Variants in LMOD3 observed in about 807,000 individuals in gnomAD.
The protein encoded by LMOD3 is leiomodin-3.
LMOD3 carries 31 observed loss-of-function variants against 41.8 expected under a neutral mutation model. The ratio of observed to expected loss-of-function variants is 0.74; its 90% confidence interval spans 0.56 to 1.00. The LOEUF (loss-of-function observed/expected upper bound fraction) is 1.00, where lower values mean the gene tolerates loss of function less well. Among genes scored for constraint, LMOD3 ranks in the 50% least tolerant of loss-of-function variants. LMOD3 has a pLI of 0.00. For missense variants in LMOD3, 755 were observed against 679.5 expected (o/e 1.11, Z -1.23); for synonymous variants, 292 against 241.9 (o/e 1.21, Z -1.92).
rs1422839571 is a variant in LMOD3 at position 69,106,494 on chromosome 3, G to C, written c.*2601C>G. Among the ~76,000 whole-genome samples the C allele has an allele frequency of 6.6e-6, 1 of 152,010 alleles. No individual in the cohort carries two copies. The highest frequency in any genetic ancestry group is 1.5e-5 in the Non-Finnish European group (1 of 68,010). ...TAAAATCTGCAACTAAGATCTTTAG[G>C]GTTGGGTGGTAGAAAAAGCATAATG... On this transcript the variant is annotated 3_prime_UTR_variant, in exon 3 of 3. Transcript: ENST00000420581.
rs143378782 is a variant in LMOD3, at chr3:69,115,386, G to T, written c.1656+3313C>A. On this transcript the variant is annotated intron_variant, in intron 2 of 2. Coordinates refer to ENST00000420581, the MANE Select transcript of LMOD3 (RefSeq NM_198271.5). ...GGTCCCAGCTACTCAGGAGTCTGAGGTGGGAGGATCACTTGAGCCCTGGAG... is the reference window on the plus strand; with the variant it reads ...GGTCCCAGCTACTCAGGAGTCTGAGTTGGGAGGATCACTTGAGCCCTGGAG... 2.6e-5 allele frequency among the ~76,000 whole-genome samples: 4 copies of T among 151,896 alleles called. No homozygotes were observed. The South Asian group carries it at 6.2e-4, about 24-fold the overall frequency.
In LMOD3 at chr3:69,116,672, G is replaced by A. The variant is rs561920646; in HGVS notation, c.1656+2027C>T. Among the ~76,000 whole-genome samples, 11 of 152,320 alleles carry A rather than the reference G, an allele frequency of 7.2e-5. 1 individual carries two copies. In the South Asian group the frequency reaches 2.1e-3, roughly 29 times the overall value. On this transcript the variant is annotated intron_variant, in intron 2 of 2. Coordinates refer to ENST00000420581, the MANE Select transcript of LMOD3 (RefSeq NM_198271.5). ...TCAGTTGAGTAAAAGGCAGAGGGGT[G>A]AAAAATTAAACCTACACTGTAAGCT...
intron 1 of LMOD3, among the ~76,000 whole-genome samples, chr3:69,120,653 A>T (rs1575882197): frequency 6.6e-6 from 1 of 151,168 alleles, no homozygotes; most frequent in African/African-American, 2.4e-5. Context: ...ATATATACAT[A>T]TATATATTTA....
In LMOD3 at chr3:69,119,583, G is replaced by A; in HGVS notation, c.772C>T (p.Leu258Phe). The change falls in exon 2 of 3, where the codon CTC (leucine) becomes TTC (phenylalanine). Residue 258 changes from leucine to phenylalanine, a missense_variant. Physicochemically the swap from Leu to Phe is conservative, Grantham distance 22 (BLOSUM62 0). Transcript: ENST00000420581. The part of the protein sequence containing the change: ...VRKNDPDMKE[L>F]NLNNIENIPK... ...ATGTTTTCAATGTTGTTCAGGTTGA[G>A]TTCCTTCATGTCAGGATCATTTTTC... 6.2e-7 allele frequency: 1 copy of A among 1,613,740 alleles called. No individual in the cohort carries two copies. Among genetic ancestry groups the A allele is most frequent in the Non-Finnish European group, 8.5e-7 (1 of 1,179,882 alleles).
chr3:69,121,979 C>T (rs1333926792), intron 1 of LMOD3, 114 bp downstream of exon 1: 6 of 825,200 alleles, frequency 7.3e-6, no homozygotes, highest in Non-Finnish European at 1.1e-5. Context: ...CTAGATATGG[C>T]AAAAACAAAG....
chr3:69,121,710 C>G (rs1048901023), intron 1 of LMOD3, among the ~76,000 whole-genome samples: 2 of 152,104 alleles, frequency 1.3e-5, no homozygotes, highest in Non-Finnish European at 2.9e-5. Flanking sequence ...GCCAGAGAGA[C>G]AGAGGCTACA....
At chr3:69,121,669 T>C (rs2092408281) in intron 1 of LMOD3, among the ~76,000 whole-genome samples, 11 of 152,214 alleles carry the variant, frequency 7.2e-5, no homozygotes, top group Admixed American at 7.2e-4. Context: ...TGTTTGACAC[T>C]GTGTGCGAAA....
rs2092333356 is a variant in LMOD3 at position 69,108,528 on chromosome 3, G to A, written c.*567C>T. 6.6e-6 allele frequency: 1 copy of A among 152,626 alleles called. No individual in the cohort carries two copies. Among genetic ancestry groups the A allele is most frequent in the East Asian group, 1.9e-4 (1 of 5,200 alleles). 9.5% of individuals were successfully genotyped at this position (152,626 alleles called of 1,614,324 possible). On this transcript the variant is annotated 3_prime_UTR_variant, in exon 3 of 3. Transcript: ENST00000420581. ...AGTCACCAAGAGAGAAAGCCAGGCA[G>A]GGTGGGAAACTGAAAATCTCCACTG...
At position 69,119,006 on chromosome 3, in the gene LMOD3, G is replaced by C; in HGVS notation, c.1349C>G (p.Pro450Arg). The change falls in exon 2 of 3, where the codon CCG (proline) becomes CGG (arginine). Residue 450 changes from proline to arginine, a missense_variant. Coordinates refer to ENST00000420581, the MANE Select transcript of LMOD3 (RefSeq NM_198271.5). ...DSRMQEFFQP[P>R]PPRPPNPQNV... ...TTGGGGGTTGGGAGGCCGAGGTGGC[G>C]GTGGCTGGAAGAATTCCTGCATTCT... 1.9e-6 allele frequency: 3 copies of C among 1,613,604 alleles called. No homozygotes were observed. Among genetic ancestry groups the C allele is most frequent in the Non-Finnish European group, 2.5e-6 (3 of 1,179,804 alleles).
Position 69,122,141 on chromosome 3 carries a change from C to T in LMOD3, c.246G>A (p.Arg82=). ...VDYMYWEKAS[R]RMLEEERVPV... is the part of the protein sequence containing the mutation. Reference sequence around the variant, plus strand: ...GAACTCGTTCCTCTTCCAGCATGCGCCTGGATGCCTTTTCCCAATACATAT... The same window carrying T: ...GAACTCGTTCCTCTTCCAGCATGCGTCTGGATGCCTTTTCCCAATACATAT... Residue 82 remains arginine (R), a synonymous_variant, in exon 1 of 3, where the codon AGG becomes AGA. Transcript: ENST00000420581. 1.2e-6 allele frequency: 2 copies of T among 1,612,680 alleles called. No individual in the cohort carries two copies. The highest frequency in any genetic ancestry group is 2.2e-5 in the East Asian group (1 of 44,802).
At chr3:69,120,951 T>C (rs1475250974) in intron 1 of LMOD3, among the ~76,000 whole-genome samples, 1 of 152,158 alleles carries the variant, frequency 6.6e-6, no homozygotes, top group Non-Finnish European at 1.5e-5. Flanking sequence ...GTATAGCAAG[T>C]TGAGACACAG....
rs2092390736 is a variant in LMOD3, at chr3:69,118,919, CT to C, written c.1435del (p.Arg479GlyfsTer10). 6.2e-7 allele frequency: 1 copy of C among 1,611,942 alleles called. No homozygotes were observed. The highest frequency in any genetic ancestry group is 8.5e-7 in the Non-Finnish European group (1 of 1,179,554). On this transcript the variant is annotated frameshift_variant, in exon 2 of 3. Coordinates refer to ENST00000420581, the MANE Select transcript of LMOD3 (RefSeq NM_198271.5). LOFTEE classifies it high-confidence loss of function. Reference protein sequence around the residue: ...MKKPSQAPKYRTDPDSFRVVK... With the variant: ...MKKPSQAPKYXTDPDSFRVVK... Reference sequence around the variant, plus strand: ...CACCCGGAAGGAGTCAGGGTCTGTCCTGTACTTCGGGGCCTGCGATGGCTTT... The same window carrying C: ...CACCCGGAAGGAGTCAGGGTCTGTCCGTACTTCGGGGCCTGCGATGGCTTT...
chr3:69,107,453 G>GTTTTTTTTTTTTTTTTTTTTT lies in LMOD3; in HGVS notation c.*1621_*1641dup, dbSNP rs752807599. ...AAAGAAGAGAGAAAAGGCACCAAAG[G>GTTTTTTTTTTTTTTTTTTTTT]TTTTTTTTTTTTTTTTTTTTTTTTT... On this transcript the variant is annotated 3_prime_UTR_variant, in exon 3 of 3. Coordinates refer to ENST00000420581, the MANE Select transcript of LMOD3 (RefSeq NM_198271.5). 20 of 37,374 alleles carry GTTTTTTTTTTTTTTTTTTTTT rather than the reference G, an allele frequency of 5.4e-4. 7 individuals carry two copies. The highest frequency in any genetic ancestry group is 9.6e-4 in the Non-Finnish European group (17 of 17,718). The allele number at this position is 37,374 out of a possible 1,614,324, so 2.3% of individuals were successfully genotyped here. A position where few individuals can be genotyped will look rare whatever the true frequency, so the allele number is the denominator to read the frequency against.
Position 69,119,607 on chromosome 3 carries a change from T to A in LMOD3, c.748A>T (p.Lys250Ter). ...AGTTCCTTCATGTCAGGATCATTTT[T>A]CCTAACTCTCCTCAAGCTCCCATCC... ...DLDGSLRRVR[K>*]NDPDMKELNL... The change falls in exon 2 of 3, where the codon AAA (lysine) becomes TAA (stop). Residue 250 changes from lysine to a stop codon, truncating the protein, a stop_gained. Transcript: ENST00000420581. LOFTEE classifies it high-confidence loss of function. 1 of 1,613,808 alleles carries A rather than the reference T, an allele frequency of 6.2e-7. No homozygotes were observed. The highest frequency in any genetic ancestry group is 8.5e-7 in the Non-Finnish European group (1 of 1,179,894).
At chr3:69,110,655 C>T (rs1575871573) in intron 2 of LMOD3, among the ~76,000 whole-genome samples, 1 of 147,154 alleles carries the variant, frequency 6.8e-6, no homozygotes, top group East Asian at 2.1e-4. Context: ...CAAGCCTGGC[C>T]AACAGGGTGA....
chr3:69,110,853 A>AAAAAAAAAAAATAT (rs1458630453), intron 2 of LMOD3, among the ~76,000 whole-genome samples: 6 of 104,124 alleles, frequency 5.8e-5, no homozygotes, highest in African/African-American at 2.9e-4. Context: ...AAAAAAAAAA[A>AAAAAAAAAAAATAT]ATATATATAT....
At chr3:69,109,773 C>T (rs1254414495) in intron 2 of LMOD3, among the ~76,000 whole-genome samples, 4 of 152,170 alleles carry the variant, frequency 2.6e-5, no homozygotes, top group Non-Finnish European at 5.9e-5. Context: ...AAGTGATTCA[C>T]TTGCTTCGGA....
In LMOD3 at chr3:69,118,858, C is replaced by T; in HGVS notation, c.1497G>A (p.Met499Ile). 6.2e-7 allele frequency: 1 copy of T among 1,610,198 alleles called. No individual in the cohort carries two copies. Among genetic ancestry groups the T allele is most frequent in the Non-Finnish European group, 8.5e-7 (1 of 1,179,100 alleles). ...KLKRIQRKSR[M>I]PEAREPPEKT... ...TCTCGGGTGGTTCTCTGGCTTCCGG[C>T]ATCCGAGATTTGCGCTGGATTCTCT... Residue 499 changes from methionine to isoleucine, a missense_variant, in exon 2 of 3, where the codon ATG becomes ATA. Met to Ile is a conservative substitution (Grantham distance 10). Transcript: ENST00000420581.
chr3:69,110,871 T>TATATATATATATAC (rs1282114364), intron 2 of LMOD3, among the ~76,000 whole-genome samples: 2 of 131,378 alleles, frequency 1.5e-5, no homozygotes, highest in African/African-American at 6.3e-5. Flanking sequence ...TATATATATA[T>TATATATATATATAC]ATATATTTAA....
Sources: gnomAD v4.1 joint callset for allele counts (sites outside exome capture counted in the v4.1 genomes callset) on GRCh38, gnomAD v4.1.1 for gene constraint, MANE v1.5 for transcripts, NCBI Gene and HGNC (gene_info 2026-07-23, HGNC 2026-07-21) for gene names.